Variants in C11orf68 observed in about 807,000 individuals in gnomAD.
The protein encoded by C11orf68 is UPF0696 protein C11orf68.
C11orf68 carries 3 observed loss-of-function variants against 4.7 expected under a neutral mutation model. The ratio of observed to expected loss-of-function variants is 0.64; its 90% CI spans 0.29 to 1.66. The LOEUF is 1.66. C11orf68 is among the 40% of genes most tolerant of loss of function. C11orf68 has a pLI of 0.10. For synonymous variants in C11orf68, 186 were observed against 167.8 expected (o/e 1.11, Z -0.84); for missense variants, 422 against 408.0 (o/e 1.03, Z -0.30).
rs1591100588 is a variant in C11orf68 at position 65,918,999 on chromosome 11, C to A, written c.33G>T (p.Gly11=). The A allele has an allele frequency of 1.1e-5, 13 of 1,162,320 alleles. No individual in the cohort carries two copies. The East Asian group carries it at 3.9e-4, about 35-fold the overall frequency. The allele number at this position is 1,162,320 out of a possible 1,614,324, so 72.0% of individuals were successfully genotyped here. ...CCGCGCCACCGCCACCGCGCCCCACCCCCGCCACGGCCGCCGCCGCCGCCG... is the reference window on the plus strand; with the variant it reads ...CCGCGCCACCGCCACCGCGCCCCACACCCGCCACGGCCGCCGCCGCCGCCG... The part of the protein sequence containing the change: MAAAAAAAVA[G]VGRGGGGAEP... The change falls in exon 1 of 2, where the codon GGG becomes GGT. Residue 11 remains glycine (G), a synonymous_variant. Coordinates refer to ENST00000438576, the MANE Select transcript of C11orf68 (RefSeq NM_001135635.2).
In C11orf68 at chr11:65,917,945, G is replaced by C. The variant is rs907223202; in HGVS notation, c.396C>G (p.Ser132=). 1.2e-6 allele frequency: 2 copies of C among 1,607,538 alleles called. No homozygotes were observed. The highest frequency in any genetic ancestry group is 1.7e-6 in the Non-Finnish European group (2 of 1,179,852). ...CTGCCTGCAGGCCCTGCACGTCCCC[G>C]GAGTTGGGGCTGTAGCCCTGCCCAT... is the stretch of plus-strand genomic sequence containing the variant. ...AVYGQGYSPN[S]GDVQGLQAAW... The change falls in exon 2 of 2, where the codon TCC becomes TCG. Residue 132 remains serine, a synonymous_variant. Coordinates refer to ENST00000438576, the MANE Select transcript of C11orf68 (RefSeq NM_001135635.2).
rs1197555823 is a variant in C11orf68, at chr11:65,918,118, C to T, written c.223G>A (p.Asp75Asn). Residue 75 changes from aspartate (D) to asparagine (N), a missense_variant, in exon 2 of 2, where the codon GAC (aspartate) becomes AAC (asparagine). Physicochemically the swap from Asp to Asn is conservative, Grantham distance 23. Transcript: ENST00000438576. ...TCAAACACTAGCCAGGGGTCCATGT[C>T]AGCTGCCATGGCCTCTGCAGCCAGG... is the stretch of plus-strand genomic sequence containing the variant. ...EHLAAEAMAA[D>N]MDPWLVFDAR... is the part of the protein sequence containing the mutation. 6 of 1,606,414 alleles carry T rather than the reference C, an allele frequency of 3.7e-6. No individual in the cohort carries two copies. The highest frequency in any genetic ancestry group is 5.1e-6 in the Non-Finnish European group (6 of 1,176,280).
At chr11:65,918,811 A>C in intron 1 of C11orf68, 99 bp downstream of exon 1, 1 of 1,036,456 alleles carries the variant, frequency 9.6e-7, no homozygotes, top group East Asian at 8.2e-5. Flanking sequence ...CAGGAGAGCC[A>C]GGCTCCGGCC....
chr11:65,918,312 G>T (rs1854489653), intron 1 of C11orf68, 94 bp from the exon 2 acceptor site: 4 of 1,357,670 alleles, frequency 2.9e-6, no homozygotes, highest in African/African-American at 1.5e-5. Flanking sequence ...AGTTACTGTC[G>T]ATGCGCCTCA....
rs1854468015 is a variant in C11orf68 at position 65,917,116 on chromosome 11, T to C, written c.*343A>G. ...TGAGGGGGAAGGAAAGAAGGGGAGA[T>C]GCAGGAGGAAGGGGAGGTATAGCGG... is the stretch of plus-strand genomic sequence containing the variant. On this transcript the variant is annotated 3_prime_UTR_variant, in exon 2 of 2. Coordinates refer to ENST00000438576, the MANE Select transcript of C11orf68 (RefSeq NM_001135635.2). 3.9e-6 allele frequency: 1 copy of C among 257,216 alleles called. No homozygotes were observed. The highest frequency in any genetic ancestry group is 7.5e-6 in the Non-Finnish European group (1 of 132,984). 15.9% of individuals were successfully genotyped at this position (257,216 alleles called of 1,614,324 possible).
In C11orf68 at chr11:65,918,109, G is replaced by A. The variant is rs1854486027; in HGVS notation, c.232C>T (p.Pro78Ser). 1 of 1,608,452 alleles carries A rather than the reference G, an allele frequency of 6.2e-7. No homozygotes were observed. The highest frequency in any genetic ancestry group is 8.5e-7 in the Non-Finnish European group (1 of 1,177,230). The change falls in exon 2 of 2, where the codon CCC becomes TCC. Residue 78 changes from proline to serine, a missense_variant. Physicochemically the swap from Pro to Ser is moderately conservative, Grantham distance 74 (BLOSUM62 -1). Transcript: ENST00000438576. ...AAEAMAADMD[P>S]WLVFDARTTP... ...GTGCGGGCATCAAACACTAGCCAGG[G>A]GTCCATGTCAGCTGCCATGGCCTCT...
At position 65,917,699 on chromosome 11, in the gene C11orf68, G is replaced by C; in HGVS notation, c.642C>G (p.Ile214Met). 1 of 1,613,934 alleles carries C rather than the reference G, an allele frequency of 6.2e-7. No homozygotes were observed. The highest frequency in any genetic ancestry group is 8.5e-7 in the Non-Finnish European group (1 of 1,180,028). Residue 214 changes from isoleucine to methionine, a missense_variant, in exon 2 of 2, where the codon ATC becomes ATG. Physicochemically the swap from Ile to Met is conservative, Grantham distance 10. Coordinates refer to ENST00000438576, the MANE Select transcript of C11orf68 (RefSeq NM_001135635.2). ...PRAKEGGRQVICVYTDDFTDR... is the reference protein window; with the variant it reads ...PRAKEGGRQVMCVYTDDFTDR... ...CCGTGAAGTCGTCCGTGTAAACACA[G>C]ATGACCTGGCGCCCACCCTCCTTGG...
chr11:65,917,776 C>A lies in C11orf68; in HGVS notation c.565G>T (p.Ala189Ser). The A allele has an allele frequency of 6.2e-7, 1 of 1,612,600 alleles. No homozygotes were observed. Among genetic ancestry groups the A allele is most frequent in the Non-Finnish European group, 8.5e-7 (1 of 1,179,810 alleles). ...FKLDHAWAGIARAVVEGQLQV... is the reference protein window; with the variant it reads ...FKLDHAWAGISRAVVEGQLQV... ...AGCTGGCCTTCAACCACGGCCCGGG[C>A]AATGCCAGCCCAGGCGTGGTCCAGC... The change falls in exon 2 of 2, where the codon GCC becomes TCC. Residue 189 changes from alanine to serine, a missense_variant. Transcript: ENST00000438576.
At chr11:65,918,578 C>T (rs1232445850) in intron 1 of C11orf68, among the ~76,000 whole-genome samples, 1 of 152,208 alleles carries the variant, frequency 6.6e-6, no homozygotes, top group African/African-American at 2.4e-5. Flanking sequence ...CTGCCAAGGC[C>T]CCCTTTTCCT....
intron 1 of C11orf68, among the ~76,000 whole-genome samples, chr11:65,918,622 G>A (rs867579957): frequency 2.6e-5 from 4 of 152,188 alleles, no homozygotes; most frequent in African/African-American, 9.7e-5. Context: ...TTTAATAGAG[G>A]AACGCAAAGA....
intron 1 of C11orf68, 31 bp downstream of exon 1, chr11:65,918,879 C>T (rs1416966308): frequency 1.6e-6 from 2 of 1,225,336 alleles, no homozygotes; most frequent in Non-Finnish European, 2.1e-6. Flanking sequence ...CGCCCCGGCC[C>T]TGCCCTGCCC....
At chr11:65,918,848 C>A in intron 1 of C11orf68, 62 bp downstream of exon 1, 1 of 1,119,918 alleles carries the variant, frequency 8.9e-7, no homozygotes, top group Non-Finnish European at 1.1e-6. Context: ...CATTAACGCC[C>A]ACGGGCCCGA....
chr11:65,917,318 G>T lies in C11orf68; in HGVS notation c.*141C>A. The T allele has an allele frequency of 1.9e-6, 2 of 1,035,320 alleles. No individual in the cohort carries two copies. Among genetic ancestry groups the T allele is most frequent in the South Asian group, 1.5e-5 (1 of 64,674 alleles). 64.1% of individuals were successfully genotyped at this position (1,035,320 alleles called of 1,614,324 possible). A position where few individuals can be genotyped will look rare whatever the true frequency, so the allele number is the denominator to read the frequency against. ...TGAACAGAGGGCAGAAGTTCAAGGG[G>T]ACTGAAGATGCAGGTAGTTCCCAAG... On this transcript the variant is annotated 3_prime_UTR_variant, in exon 2 of 2. Coordinates refer to ENST00000438576, the MANE Select transcript of C11orf68 (RefSeq NM_001135635.2).
Position 65,917,392 on chromosome 11 carries a change from G to C in C11orf68, c.*67C>G. ...GGGGGTGTGGCCTTCATAGGACAAG[G>C]AGGAAGACAGGAGGATCCAACCCCA... is the stretch of plus-strand genomic sequence containing the variant. On this transcript the variant is annotated 3_prime_UTR_variant, in exon 2 of 2. Transcript: ENST00000438576. 2.6e-6 allele frequency: 4 copies of C among 1,540,358 alleles called. No individual in the cohort carries two copies. Among genetic ancestry groups the C allele is most frequent in the Non-Finnish European group, 3.5e-6 (4 of 1,141,956 alleles).
At position 65,918,901 on chromosome 11, in the gene C11orf68, C is replaced by T; in HGVS notation, c.122+9G>A. 3 of 1,257,966 alleles carry T rather than the reference C, an allele frequency of 2.4e-6. No individual in the cohort carries two copies. Among genetic ancestry groups the T allele is most frequent in the Non-Finnish European group, 3.0e-6 (3 of 988,460 alleles). The allele number at this position is 1,257,966 out of a possible 1,614,324, so 77.9% of individuals were successfully genotyped here. A position where few individuals can be genotyped will look rare whatever the true frequency, so the allele number is the denominator to read the frequency against. On this transcript the variant is annotated intron_variant, in intron 1 of 1. Transcript: ENST00000438576. ...GCCCTGCCCTGCCCCTCCCGCCGCCCGCAGTCACCTCCGGCCTTCGCTGCG... is the reference window on the plus strand; with the variant it reads ...GCCCTGCCCTGCCCCTCCCGCCGCCTGCAGTCACCTCCGGCCTTCGCTGCG...
chr11:65,918,388 T>C (rs897016252), intron 1 of C11orf68, 170 bp from the exon 2 acceptor site: 1 of 757,904 alleles, frequency 1.3e-6, no homozygotes, highest in Non-Finnish European at 1.9e-6. Flanking sequence ...GAAAATTAGA[T>C]GCCTGAGGAG....
At chr11:65,918,415 G>C (rs564192860) in intron 1 of C11orf68, 197 bp from the exon 2 acceptor site, 2 of 569,280 alleles carry the variant, frequency 3.5e-6, no homozygotes, top group Non-Finnish European at 5.7e-6. Context: ...CTCCAGAAGG[G>C]TTGCTGCAGT....
chr11:65,918,108 G>C lies in C11orf68; in HGVS notation c.233C>G (p.Pro78Arg). Residue 78 changes from proline (P) to arginine (R), a missense_variant, in exon 2 of 2, where the codon CCC (proline) becomes CGC (arginine). Coordinates refer to ENST00000438576, the MANE Select transcript of C11orf68 (RefSeq NM_001135635.2). ...TGTGCGGGCATCAAACACTAGCCAGGGGTCCATGTCAGCTGCCATGGCCTC... is the reference window on the plus strand; with the variant it reads ...TGTGCGGGCATCAAACACTAGCCAGCGGTCCATGTCAGCTGCCATGGCCTC... ...AAEAMAADMD[P>R]WLVFDARTTP... 6.2e-7 allele frequency: 1 copy of C among 1,609,292 alleles called. No homozygotes were observed. The highest frequency in any genetic ancestry group is 8.5e-7 in the Non-Finnish European group (1 of 1,177,668).
chr11:65,918,291 C>T, intron 1 of C11orf68, 73 bp from the exon 2 acceptor site: 3 of 1,428,478 alleles, frequency 2.1e-6, no homozygotes, highest in East Asian at 2.5e-5. Flanking sequence ...TAAACTGTGG[C>T]CTTGAGTAAG....
Sources: allele counts gnomAD v4.1 joint callset (sites outside exome capture counted in the v4.1 genomes callset), GRCh38; gene constraint gnomAD v4.1.1; transcripts MANE v1.5; gene names NCBI Gene and HGNC (gene_info 2026-07-23, HGNC 2026-07-21).